The following FKBP10 variants were observed in gnomAD, a reference collection of about 807,000 sequenced individuals.
FKBP10 encodes FKBP prolyl isomerase 10.
In FKBP10, 34 loss-of-function variants were observed where a neutral mutation model predicts 53.7. The ratio of observed to expected loss-of-function variants is 0.63; its 90% CI spans 0.48 to 0.84. FKBP10 has a LOEUF of 0.84. Among genes scored for constraint, FKBP10 ranks in the 40% least tolerant of loss-of-function variants. The pLI, the probability that FKBP10 is intolerant of heterozygous loss-of-function variation, is 0.00. For synonymous variants in FKBP10, 324 were observed against 335.7 expected, an observed-to-expected ratio of 0.97 and a Z score of 0.38; for missense variants, 748 against 797.8, an observed-to-expected ratio of 0.94 and a Z score of 0.75.
chr17:41,822,154 C>G (rs1339321984), intron 9 of FKBP10, 69 bp from the exon 10 acceptor site: 7 of 1,482,666 alleles, frequency 4.7e-6, no homozygotes, highest in Non-Finnish European at 6.5e-6. Context: ...CTGGCCTCCA[C>G]CCGGGGCCCC....
rs202017366 is a variant in FKBP10 at position 41,813,117 on chromosome 17, G to A, written c.83G>A (p.Gly28Glu). 107 of 1,611,490 alleles carry A rather than the reference G, an allele frequency of 6.6e-5. 1 individual carries two copies. The Admixed American group carries it at 1.5e-3, about 23-fold the overall frequency. Residue 28 changes from glycine (G) to glutamate (E), a missense_variant, in exon 1 of 10, where the codon GGG becomes GAG. Coordinates refer to ENST00000321562, the MANE Select transcript of FKBP10 (RefSeq NM_021939.4). ...CTGCTACTGGTGGTGCAGGCCGTGGGGAGGGGGCTGGGCCGCGCCAGCCCG... is the reference window on the plus strand; with the variant it reads ...CTGCTACTGGTGGTGCAGGCCGTGGAGAGGGGGCTGGGCCGCGCCAGCCCG... ...QLLLLVVQAV[G>E]RGLGRASPAG...
At chr17:41,816,014 G>A (rs1325043900) in intron 1 of FKBP10, among the ~76,000 whole-genome samples, 2 of 150,786 alleles carry the variant, frequency 1.3e-5, no homozygotes, top group African/African-American at 4.9e-5. Context: ...GCATGCCTGT[G>A]ATCCCAGCTG....
In FKBP10 at chr17:41,820,472, G is replaced by A. The variant is rs199627092; in HGVS notation, c.1256+11G>A. On this transcript the variant is annotated intron_variant, in intron 7 of 9. Transcript: ENST00000321562. The stretch of plus-strand genomic sequence containing the variant: ...CCAGCTGTTCACCTCGTGGGTCCGG[G>A]GGGGGGCCGGGACTGGGCAGGTGGG... The A allele has an allele frequency of 1.4e-5, 22 of 1,613,366 alleles. No homozygotes were observed. The highest frequency in any genetic ancestry group is 3.3e-5 in the South Asian group (3 of 91,046).
chr17:41,820,708 G>C (rs1468764825), intron 7 of FKBP10: 1 of 675,242 alleles, frequency 1.5e-6, no homozygotes, highest in East Asian at 2.7e-5. Flanking sequence ...ATTTCACAGA[G>C]GGGAAACTGA....
intron 4 of FKBP10, 144 bp downstream of exon 4, chr17:41,818,671 A>T: frequency 8.4e-7 from 1 of 1,192,728 alleles, no homozygotes; most frequent in African/African-American, 1.5e-5. Flanking sequence ...TGGTGCTACT[A>T]AGAAGGGGTG....
Position 41,822,478 on chromosome 17 carries a change from A to AGCAGGTCAGT in FKBP10, c.*70_*71insGCAGGTCAGT. ...GAGGGGGACAGTGGCGGTGGGACTG[A>AGCAGGTCAGT]CCTGCTGACAGTCACCCTCCCTCTG... On this transcript the variant is annotated 3_prime_UTR_variant, in exon 10 of 10. Transcript: ENST00000321562. 6.7e-7 allele frequency: 1 copy of AGCAGGTCAGT among 1,497,954 alleles called. No homozygotes were observed. Among genetic ancestry groups the AGCAGGTCAGT allele is most frequent in the Non-Finnish European group, 9.1e-7 (1 of 1,101,820 alleles). The allele number at this position is 1,497,954 out of a possible 1,614,324, so 92.8% of individuals were successfully genotyped here. A position where few individuals can be genotyped will look rare whatever the true frequency, so the allele number is the denominator to read the frequency against.
rs1555616383 is a variant in FKBP10, at chr17:41,818,234, C to T, written c.537C>T (p.Tyr179=). ...RMVQDGDFVR[Y]HYNGTLLDGT... ...TCCAGGACGGCGACTTTGTCCGCTACCACTACAATGGCACCCTGCTGGACG... is the reference window on the plus strand; with the variant it reads ...TCCAGGACGGCGACTTTGTCCGCTATCACTACAATGGCACCCTGCTGGACG... Residue 179 remains tyrosine, a synonymous_variant, in exon 3 of 10, where the codon TAC becomes TAT. Transcript: ENST00000321562. The T allele has an allele frequency of 5.0e-6, 8 of 1,613,624 alleles. No homozygotes were observed. Among genetic ancestry groups the T allele is most frequent in the East Asian group, 2.2e-5 (1 of 44,882 alleles).
Position 41,821,077 on chromosome 17 carries a change from G to C in FKBP10, c.1387G>C (p.Gly463Arg). 1 of 1,523,716 alleles carries C rather than the reference G, an allele frequency of 6.6e-7. No homozygotes were observed. Among genetic ancestry groups the C allele is most frequent in the Non-Finnish European group, 8.9e-7 (1 of 1,119,624 alleles). 94.4% of individuals were successfully genotyped at this position (1,523,716 alleles called of 1,614,324 possible). Reference sequence around the variant, plus strand: ...CATCGTGCCCCCGCACCTGGCCCACGGGGAGAGTGGAGGTGAGGGGCTGAG... The same window carrying C: ...CATCGTGCCCCCGCACCTGGCCCACCGGGAGAGTGGAGGTGAGGGGCTGAG... ...QLIVPPHLAHGESGARGVPGS... is the reference protein window; with the variant it reads ...QLIVPPHLAHRESGARGVPGS... Residue 463 changes from glycine to arginine, a missense_variant, in exon 8 of 10, where the codon GGG (glycine) becomes CGG (arginine). Coordinates refer to ENST00000321562, the MANE Select transcript of FKBP10 (RefSeq NM_021939.4).
intron 1 of FKBP10, among the ~76,000 whole-genome samples, chr17:41,813,874 A>G (rs1182052698): frequency 1.3e-5 from 2 of 152,054 alleles, no homozygotes; most frequent in African/African-American, 4.8e-5. Context: ...TACGTGTCAC[A>G]CAGTCGGACA....
At chr17:41,813,411 C>A in intron 1 of FKBP10, 132 bp downstream of exon 1, 1 of 1,162,540 alleles carries the variant, frequency 8.6e-7, no homozygotes, top group Non-Finnish European at 1.3e-6. Context: ...GCCTCCCAGA[C>A]ACCCATCTCC....
At position 41,821,059 on chromosome 17, in the gene FKBP10, C is replaced by T. The variant is rs782325427; in HGVS notation, c.1369C>T (p.Pro457Ser). 4 of 1,577,256 alleles carry T rather than the reference C, an allele frequency of 2.5e-6. No homozygotes were observed. In the African/African-American group the frequency reaches 4.1e-5, roughly 16 times the overall value. The change falls in exon 8 of 10, where the codon CCC becomes TCC. Residue 457 changes from proline (P) to serine (S), a missense_variant. Coordinates refer to ENST00000321562, the MANE Select transcript of FKBP10 (RefSeq NM_021939.4). ...GGGAGAGAGGCGGCAGCTCATCGTGCCCCCGCACCTGGCCCACGGGGAGAG... is the reference window on the plus strand; with the variant it reads ...GGGAGAGAGGCGGCAGCTCATCGTGTCCCCGCACCTGGCCCACGGGGAGAG... The part of the protein sequence containing the change: ...CVGERRQLIV[P>S]PHLAHGESGA...
rs782114607 is a variant in FKBP10 at position 41,818,200 on chromosome 17, CCCGCATGGT to C, written c.506_514del (p.Arg169_Val171del). On this transcript the variant is annotated inframe_deletion, in exon 3 of 10. Coordinates refer to ENST00000321562, the MANE Select transcript of FKBP10 (RefSeq NM_021939.4). ...ACATTGCTGCGCCCGCCCCACTGCC[CCCGCATGGT>C]CCAGGACGGCGACTTTGTCCGCTAC... 5.0e-6 allele frequency: 8 copies of C among 1,613,480 alleles called. No individual in the cohort carries two copies. Among genetic ancestry groups the C allele is most frequent in the Non-Finnish European group, 5.9e-6 (7 of 1,180,014 alleles).
In FKBP10 at chr17:41,822,782, C is replaced by T. The variant is rs1467178026; in HGVS notation, c.*374C>T. On this transcript the variant is annotated 3_prime_UTR_variant, in exon 10 of 10. Coordinates refer to ENST00000321562, the MANE Select transcript of FKBP10 (RefSeq NM_021939.4). ...TCCCCAAACTTTCTCTTTCTTTGTA[C>T]TTCTTGTCATCCCCACTCCCAGCCC... The T allele has an allele frequency of 8.4e-6, 3 of 356,834 alleles. No individual in the cohort carries two copies. The highest frequency in any genetic ancestry group is 4.2e-5 in the African/African-American group (2 of 47,194). 22.1% of individuals were successfully genotyped at this position (356,834 alleles called of 1,614,324 possible). A position where few individuals can be genotyped will look rare whatever the true frequency, so the allele number is the denominator to read the frequency against.
intron 2 of FKBP10, 146 bp from the exon 3 acceptor site, chr17:41,817,943 A>G: frequency 1.1e-6 from 1 of 890,390 alleles, no homozygotes. Flanking sequence ...ATCTCTTAAA[A>G]AAAAAAAACA....
intron 1 of FKBP10, among the ~76,000 whole-genome samples, chr17:41,814,441 C>T (rs782161733): frequency 2.6e-5 from 4 of 152,184 alleles, no homozygotes; most frequent in Non-Finnish European, 5.9e-5. Context: ...TCTCACAGGG[C>T]CTGGCAGTCC....
At chr17:41,820,794 C>T in intron 7 of FKBP10, 153 bp from the exon 8 acceptor site, 1 of 1,104,972 alleles carries the variant, frequency 9.1e-7, no homozygotes, top group Non-Finnish European at 1.3e-6. Flanking sequence ...CACGTCTGCA[C>T]AGCTGGGCCC....
chr17:41,819,481 GGGAGGGCCCC>G (rs1555616612), intron 5 of FKBP10, 39 bp from the exon 6 acceptor site: 1 of 1,613,948 alleles, frequency 6.2e-7, no homozygotes, highest in South Asian at 1.1e-5. Context: ...TGCCTGGAAG[GGGAGGGCCCC>G]TTTGACTCCC....
chr17:41,813,019 C>A lies in FKBP10; in HGVS notation c.-16C>A. 1 of 1,609,424 alleles carries A rather than the reference C, an allele frequency of 6.2e-7. No homozygotes were observed. Among genetic ancestry groups the A allele is most frequent in the Non-Finnish European group, 8.5e-7 (1 of 1,179,478 alleles). On this transcript the variant is annotated 5_prime_UTR_variant, in exon 1 of 10. Coordinates refer to ENST00000321562, the MANE Select transcript of FKBP10 (RefSeq NM_021939.4). ...CTCGCTCGCCCTCACTGCCGGCGGT[C>A]CCAACTCCAGGCACCATGTTCCCCG...
At chr17:41,820,217 G>A (rs1291100663) in intron 6 of FKBP10, 52 bp from the exon 7 acceptor site, 1 of 1,595,150 alleles carries the variant, frequency 6.3e-7, no homozygotes. Context: ...GAGACCTCAA[G>A]TAGCCTCTCC....
Sources: gnomAD v4.1 joint callset for allele counts (sites outside exome capture counted in the v4.1 genomes callset) on GRCh38, gnomAD v4.1.1 for gene constraint, MANE v1.5 for transcripts, NCBI Gene and HGNC (gene_info 2026-07-23, HGNC 2026-07-21) for gene names.